Variants in DMD observed in about 807,000 individuals in gnomAD.
The protein encoded by DMD is mutant dystrophin.
Under a neutral mutation model 330.1 loss-of-function variants are expected in DMD, and 63 were observed. The ratio of observed to expected loss-of-function variants is 0.19; its 90% CI spans 0.16 to 0.24. The LOEUF is 0.24. Ranked by LOEUF, DMD falls within the 10% of genes least tolerant of loss-of-function variation. The pLI is 1.00. For synonymous variants in DMD, 1,223 were observed against 959.8 expected, an observed-to-expected ratio of 1.27 and a Z score of -5.07; for missense variants, 3,344 against 2,684.1, an observed-to-expected ratio of 1.25 and a Z score of -5.43.
intron 44 of DMD, among the ~76,000 whole-genome samples, chrX:32,163,715 G>A (rs1284367399): frequency 9.0e-6 from 1 of 111,393 alleles, no homozygotes; most frequent in East Asian, 2.8e-4. Flanking sequence ...TTTTTATATT[G>A]TGCATAGCTA....
intron 63 of DMD, among the ~76,000 whole-genome samples, chrX:31,232,725 G>A (rs958912091): frequency 1.8e-5 from 2 of 111,916 alleles, no homozygotes; most frequent in Non-Finnish European, 3.8e-5. Context: ...CATCCTGACA[G>A]AAGGCTGGAG....
chrX:31,292,178 A>G (rs2053750806), intron 62 of DMD, among the ~76,000 whole-genome samples: 1 of 111,033 alleles, frequency 9.0e-6, no homozygotes, highest in Admixed American at 9.6e-5. Context: ...AAGCTATAAA[A>G]TGGGAGAAGA....
At chrX:33,022,186 A>G (rs7881880) in intron 1 of DMD, among the ~76,000 whole-genome samples, 6,087 of 111,422 alleles carry the variant, frequency 0.055, 428 homozygotes, top group African/African-American at 0.18. Flanking sequence ...GCATACATTC[A>G]GATGTCTTTG....
chrX:32,563,913 G>GA (rs1265378105), intron 16 of DMD, among the ~76,000 whole-genome samples: 1 of 111,367 alleles, frequency 9.0e-6, no homozygotes, highest in Non-Finnish European at 1.9e-5. Flanking sequence ...TTGTTACATA[G>GA]GTAAATGTGT....
intron 44 of DMD, among the ~76,000 whole-genome samples, chrX:32,147,941 G>T (rs1223787298): frequency 4.9e-5 from 5 of 101,778 alleles, no homozygotes; most frequent in African/African-American, 1.8e-4. Context: ...GCAGTGGCGC[G>T]ATCTCGGCTC....
chrX:32,800,548 T>G (rs1441931599), intron 7 of DMD, among the ~76,000 whole-genome samples: 1 of 111,913 alleles, frequency 8.9e-6, no homozygotes, highest in Non-Finnish European at 1.9e-5. Flanking sequence ...CAGCCATAAG[T>G]AAACTTTAAG....
At chrX:32,669,824 T>C (rs1444395777) in intron 9 of DMD, among the ~76,000 whole-genome samples, 4 of 111,201 alleles carry the variant, frequency 3.6e-5, no homozygotes, top group African/African-American at 1.3e-4. Context: ...GCCCTTCTCT[T>C]GCCTACTGAA....
At chrX:31,811,217 C>T (rs772571964) in intron 50 of DMD, among the ~76,000 whole-genome samples, 13 of 112,449 alleles carry the variant, frequency 1.2e-4, no homozygotes, top group Non-Finnish European at 2.3e-4. Flanking sequence ...ATACTAAATA[C>T]TAAACAGTAG....
intron 21 of DMD, among the ~76,000 whole-genome samples, chrX:32,473,985 A>G (rs2040933556): frequency 9.2e-6 from 1 of 109,129 alleles, no homozygotes; most frequent in Admixed American, 9.9e-5. Flanking sequence ...TCTCCCCCCA[A>G]CCTTCCCCAC....
intron 13 of DMD, among the ~76,000 whole-genome samples, chrX:32,580,197 C>T (rs955285413): frequency 1.8e-5 from 2 of 110,991 alleles, no homozygotes; most frequent in Non-Finnish European, 3.8e-5. Context: ...TCTTCCTTAT[C>T]GTTTTATACC....
intron 17 of DMD, among the ~76,000 whole-genome samples, chrX:32,522,377 A>C (rs944852784): frequency 8.9e-6 from 1 of 111,813 alleles, no homozygotes; most frequent in Non-Finnish European, 1.9e-5. Context: ...ATTGACGCAT[A>C]ATAGATGTAC....
intron 50 of DMD, among the ~76,000 whole-genome samples, chrX:31,803,481 A>C (rs1412135026): frequency 8.9e-6 from 1 of 112,379 alleles, no homozygotes; most frequent in Non-Finnish European, 1.9e-5. Context: ...CTTTATGTAA[A>C]TACAACCCCA....
At chrX:32,317,838 C>G (rs1424413799) in intron 41 of DMD, among the ~76,000 whole-genome samples, 1 of 63,283 alleles carries the variant, frequency 1.6e-5, no homozygotes, top group Non-Finnish European at 3.6e-5. Flanking sequence ...AGTGATGGAG[C>G]CTTTTTTTTT....
intron 12 of DMD, among the ~76,000 whole-genome samples, chrX:32,609,918 C>T (rs2057030094): frequency 9.0e-6 from 1 of 111,136 alleles, no homozygotes; most frequent in African/African-American, 3.3e-5. Flanking sequence ...GTAAACTCAG[C>T]TTTAAACTTC....
At chrX:31,322,033 C>T (rs866854712) in intron 62 of DMD, among the ~76,000 whole-genome samples, 1 of 111,642 alleles carries the variant, frequency 9.0e-6, no homozygotes, top group Non-Finnish European at 1.9e-5. Flanking sequence ...CTCTAGTGAG[C>T]CCCAAACAAG....
At chrX:32,501,258 G>C (rs113901222) in intron 19 of DMD, among the ~76,000 whole-genome samples, 5 of 111,885 alleles carry the variant, frequency 4.5e-5, no homozygotes, top group African/African-American at 1.6e-4. Flanking sequence ...ATCCCGAAGA[G>C]ACTTCTTTTT....
intron 16 of DMD, among the ~76,000 whole-genome samples, chrX:32,561,391 A>G (rs1229848407): frequency 4.5e-5 from 5 of 111,620 alleles, no homozygotes; most frequent in Admixed American, 9.6e-5. Context: ...TAGACCAAGC[A>G]GAGGAAAGAA....
intron 2 of DMD, among the ~76,000 whole-genome samples, chrX:32,972,334 C>T (rs750815859): frequency 4.5e-5 from 5 of 110,252 alleles, no homozygotes; most frequent in African/African-American, 6.6e-5. Context: ...TGCACCACGA[C>T]GCTCTGTTAA....
intron 44 of DMD, among the ~76,000 whole-genome samples, chrX:32,037,695 C>T (rs748210346): frequency 9.0e-6 from 1 of 110,892 alleles, no homozygotes; most frequent in African/African-American, 3.3e-5. Context: ...TGTAACTATC[C>T]CATGATACTC....
Sources: gnomAD v4.1 joint callset for allele counts (sites outside exome capture counted in the v4.1 genomes callset) on GRCh38, gnomAD v4.1.1 for gene constraint, MANE v1.5 for transcripts, NCBI Gene and HGNC (gene_info 2026-07-23, HGNC 2026-07-21) for gene names.